The following PCDHGA3 variants were observed in gnomAD, a reference collection of about 807,000 sequenced individuals.
PCDHGA3 encodes protocadherin gamma-A3.
In PCDHGA3, 40 loss-of-function variants were observed where a neutral mutation model predicts 58.5. That is an observed-to-expected ratio of 0.68 (90% CI 0.53 to 0.89). The LOEUF (loss-of-function observed/expected upper bound fraction) is 0.89, where lower values mean the gene tolerates loss of function less well. PCDHGA3 is among the 40% of genes least tolerant of loss of function. PCDHGA3 has a pLI of 0.00. For synonymous variants in PCDHGA3, 530 were observed against 525.7 expected, an observed-to-expected ratio of 1.01 and a Z score of -0.11; for missense variants, 1,223 against 1,195.9, an observed-to-expected ratio of 1.02 and a Z score of -0.33.
At chr5:141,470,957 TCCTCCCACCTCAG>T (rs2099244488) in intron 1 of PCDHGA3, among the ~76,000 whole-genome samples, 1 of 152,026 alleles carries the variant, frequency 6.6e-6, no homozygotes, top group South Asian at 2.1e-4. Flanking sequence ...CCTCAAGTGA[TCCTCCCACCTCAG>T]CCTCCCAAAG....
chr5:141,438,721 G>A (rs886300746), intron 1 of PCDHGA3, among the ~76,000 whole-genome samples: 30 of 148,304 alleles, frequency 2.0e-4, no homozygotes, highest in Non-Finnish European at 7.4e-5. Flanking sequence ...AGTGCAAGTG[G>A]TGTGATCTCA....
intron 1 of PCDHGA3, chr5:141,426,835 C>G (rs1038394702): frequency 6.6e-6 from 3 of 456,576 alleles, no homozygotes; most frequent in Non-Finnish European, 1.3e-5. Flanking sequence ...ATGGACAAGA[C>G]TAAAGGCAAG....
chr5:141,394,826 C>G, intron 1 of PCDHGA3: 1 of 1,613,882 alleles, frequency 6.2e-7, no homozygotes, highest in Non-Finnish European at 8.5e-7. Context: ...TCCCCGAAGT[C>G]CTGACCGAGT....
intron 1 of PCDHGA3, chr5:141,408,883 C>A: frequency 6.2e-7 from 1 of 1,613,462 alleles, no homozygotes; most frequent in Non-Finnish European, 8.5e-7. Flanking sequence ...CCACCGCTCA[C>A]ATAGAAATTT....
chr5:141,351,781 C>G (rs1758819657), intron 1 of PCDHGA3: 5 of 1,613,322 alleles, frequency 3.1e-6, no homozygotes, highest in African/African-American at 1.3e-5. Context: ...GCCCGCAGAG[C>G]GGGGTGGTGT....
rs200964276 is a variant in PCDHGA3 at position 141,371,678 on chromosome 5, C to G, written c.2424+25221C>G. The G allele has an allele frequency of 1.6e-3, 2,661 of 1,614,038 alleles. 3 individuals carry two copies. Among genetic ancestry groups the G allele is most frequent in the Non-Finnish European group, 2.1e-3 (2,441 of 1,179,894 alleles). On this transcript the variant is annotated intron_variant, in intron 1 of 3. Coordinates refer to ENST00000253812, the MANE Select transcript of PCDHGA3 (RefSeq NM_018916.4). ...TGACGATCACAGCTACCGACAAAGG[C>G]AATCCACCGCTCTCCTCCAGCAAGA...
chr5:141,464,896 G>C (rs1166142533), intron 1 of PCDHGA3, among the ~76,000 whole-genome samples: 2 of 151,554 alleles, frequency 1.3e-5, no homozygotes, highest in African/African-American at 4.8e-5. Context: ...ATGCCACCAT[G>C]TCCAGCTAAT....
chr5:141,460,467 AG>A (rs1303418429), intron 1 of PCDHGA3, among the ~76,000 whole-genome samples: 1 of 152,114 alleles, frequency 6.6e-6, no homozygotes, highest in African/African-American at 2.4e-5. Flanking sequence ...TTTTTTCCAA[AG>A]GAATATCCAA....
chr5:141,362,067 C>T (rs1762309889), intron 1 of PCDHGA3: 3 of 1,612,358 alleles, frequency 1.9e-6, no homozygotes, highest in East Asian at 4.5e-5. Context: ...GCCTGCTGGT[C>T]GCTGTGCGTG....
chr5:141,478,847 AAC>A (rs2099480409), intron 1 of PCDHGA3: 1 of 1,389,782 alleles, frequency 7.2e-7, no homozygotes, highest in South Asian at 1.5e-5. Context: ...GTTAAGCTAA[AAC>A]ACAAGATCTC....
At chr5:141,501,516 C>A (rs763346187) in intron 2 of PCDHGA3, among the ~76,000 whole-genome samples, 1 of 152,010 alleles carries the variant, frequency 6.6e-6, no homozygotes, top group Non-Finnish European at 1.5e-5. Flanking sequence ...GGCCTCCAAG[C>A]TGAAGCCCAG....
At chr5:141,371,563 T>TC in intron 1 of PCDHGA3, 1 of 1,613,806 alleles carries the variant, frequency 6.2e-7, no homozygotes, top group Non-Finnish European at 8.5e-7. Context: ...AAAGGAAACT[T>TC]CCCCTTTAAA....
At chr5:141,433,767 G>A (rs1237334342) in intron 1 of PCDHGA3, among the ~76,000 whole-genome samples, 1 of 151,532 alleles carries the variant, frequency 6.6e-6, no homozygotes, top group East Asian at 1.9e-4. Flanking sequence ...AACCTGGGAG[G>A]TGGAGGTTGC....
intron 1 of PCDHGA3, chr5:141,412,993 G>T (rs1401025160): frequency 1.2e-5 from 7 of 574,186 alleles, no homozygotes; most frequent in Non-Finnish European, 1.8e-5. Context: ...GCTCAATCCG[G>T]ATTCTCAGGG....
intron 1 of PCDHGA3, chr5:141,389,274 C>T (rs183257097): frequency 1.2e-6 from 2 of 1,614,032 alleles, no homozygotes; most frequent in Non-Finnish European, 8.5e-7. Flanking sequence ...CGAGAACAAC[C>T]CGCCTGGAGC....
At chr5:141,421,081 A>G (rs775366249) in intron 1 of PCDHGA3, 61 of 637,820 alleles carry the variant, frequency 9.6e-5, no homozygotes, top group Non-Finnish European at 1.4e-4. Flanking sequence ...ATGGATACTC[A>G]CAGATCCTGA....
chr5:141,414,702 A>G, intron 1 of PCDHGA3: 1 of 1,613,974 alleles, frequency 6.2e-7, no homozygotes, highest in Non-Finnish European at 8.5e-7. Context: ...CCTCATACAT[A>G]TCCATCAACT....
chr5:141,390,020 C>A, intron 1 of PCDHGA3: 2 of 1,614,048 alleles, frequency 1.2e-6, no homozygotes, highest in Non-Finnish European at 1.7e-6. Flanking sequence ...TTGCCTTGCG[C>A]CTGCGACGCT....
chr5:141,414,351 G>C (rs771256149), intron 1 of PCDHGA3: 2 of 1,613,676 alleles, frequency 1.2e-6, no homozygotes, highest in Non-Finnish European at 1.7e-6. Context: ...CCATTTTGGC[G>C]TATCTACCAT....
Sources: allele counts gnomAD v4.1 joint callset (sites outside exome capture counted in the v4.1 genomes callset), GRCh38; gene constraint gnomAD v4.1.1; transcripts MANE v1.5; gene names NCBI Gene and HGNC (gene_info 2026-07-23, HGNC 2026-07-21).